FAM171A1: variants seen among roughly 807,000 people sequenced by gnomAD.
FAM171A1 encodes protein FAM171A1.
FAM171A1 carries 23 observed loss-of-function variants against 74.9 expected under a neutral mutation model. That is an observed-to-expected ratio of 0.31 (90% CI 0.22 to 0.44). FAM171A1 has a LOEUF of 0.44. Among genes scored for constraint, FAM171A1 ranks in the 20% least tolerant of loss-of-function variants. The pLI, the probability that FAM171A1 is intolerant of heterozygous loss-of-function variation, is 1.00. For synonymous variants in FAM171A1, 527 were observed against 505.7 expected, an observed-to-expected ratio of 1.04 and a Z score of -0.57; for missense variants, 1,162 against 1,159.2, an observed-to-expected ratio of 1.00 and a Z score of -0.03.
intron 4 of FAM171A1, among the ~76,000 whole-genome samples, chr10:15,254,498 A>G (rs1404382775): frequency 6.6e-6 from 1 of 152,264 alleles, no homozygotes; most frequent in African/African-American, 2.4e-5. Context: ...AACTGGTAAC[A>G]GAAGAAAAGC....
At chr10:15,327,831 T>C (rs889169052) in intron 1 of FAM171A1, among the ~76,000 whole-genome samples, 5 of 151,756 alleles carry the variant, frequency 3.3e-5, no homozygotes, top group African/African-American at 9.7e-5. Flanking sequence ...CTATGCCTAT[T>C]ACCTGGGTGA....
At chr10:15,299,085 G>A (rs1393120486) in intron 1 of FAM171A1, among the ~76,000 whole-genome samples, 2 of 152,000 alleles carry the variant, frequency 1.3e-5, no homozygotes, top group Non-Finnish European at 2.9e-5. Context: ...CACGCCCGGT[G>A]AATTTTTGTA....
chr10:15,373,575 A>AAT (rs1836173405), upstream of FAM171A1, among the ~76,000 whole-genome samples: 1 of 152,192 alleles, frequency 6.6e-6, no homozygotes, highest in Non-Finnish European at 1.5e-5. Context: ...AAATCTAGTG[A>AAT]ATACTATGGT....
chr10:15,343,402 T>G (rs10906890), intron 1 of FAM171A1, among the ~76,000 whole-genome samples: 1 of 151,986 alleles, frequency 6.6e-6, no homozygotes, highest in Non-Finnish European at 1.5e-5. Flanking sequence ...CACCAGCTAT[T>G]GCAATCCAGG....
intron 3 of FAM171A1, among the ~76,000 whole-genome samples, chr10:15,264,363 C>G (rs1361534554): frequency 6.6e-6 from 1 of 151,846 alleles, no homozygotes; most frequent in African/African-American, 2.4e-5. Flanking sequence ...CAAAACTGGC[C>G]GGGCATAGTG....
intron 3 of FAM171A1, 45 bp downstream of exon 3, chr10:15,275,810 T>C (rs952877595): frequency 8.0e-7 from 1 of 1,242,342 alleles, no homozygotes; most frequent in South Asian, 1.3e-5. Flanking sequence ...CAATAATGTA[T>C]CCATCAAAAA....
intron 2 of FAM171A1, 23 bp from the exon 3 acceptor site, chr10:15,275,970 GA>G: frequency 6.4e-7 from 1 of 1,566,134 alleles, no homozygotes; most frequent in South Asian, 1.2e-5. Flanking sequence ...GAAATGGATA[GA>G]AGGGGATTTT....
chr10:15,248,815 C>T lies in FAM171A1; in HGVS notation c.578G>A (p.Gly193Glu). The T allele has an allele frequency of 6.2e-7, 1 of 1,601,128 alleles. No individual in the cohort carries two copies. The highest frequency in any genetic ancestry group is 2.2e-5 in the East Asian group (1 of 44,474). Residue 193 changes from glycine (G) to glutamate (E), a missense_variant and splice_region_variant, in exon 5 of 8, where the codon GGA (glycine) becomes GAA (glutamate). Physicochemically the swap from Gly to Glu is moderately conservative, Grantham distance 98. Transcript: ENST00000378116. ...GGTCAGGTCATGCCTGGTGCTGTTT[C>T]CTAGAAGGAAGAGGCATTTTCCATC... ...YLRGLDGNGT[G>E]NSTRHDLTPV... is the part of the protein sequence containing the mutation.
chr10:15,345,770 A>G (rs1188554526), intron 1 of FAM171A1, among the ~76,000 whole-genome samples: 1 of 152,150 alleles, frequency 6.6e-6, no homozygotes, highest in East Asian at 1.9e-4. Context: ...CCTGGGCTCT[A>G]GAAAGCTGAG....
At chr10:15,328,624 T>G (rs1835587650) in intron 1 of FAM171A1, among the ~76,000 whole-genome samples, 1 of 152,230 alleles carries the variant, frequency 6.6e-6, no homozygotes, top group Non-Finnish European at 1.5e-5. Flanking sequence ...GCTGCAGTAG[T>G]GCAGGCATCT....
intron 3 of FAM171A1, among the ~76,000 whole-genome samples, chr10:15,255,846 C>T (rs1020302351): frequency 7.2e-5 from 11 of 152,130 alleles, no homozygotes; most frequent in African/African-American, 2.4e-4. Flanking sequence ...CAGGGTTTCA[C>T]CATGTTGGCC....
At chr10:15,340,299 C>T (rs936571671) in intron 1 of FAM171A1, among the ~76,000 whole-genome samples, 13 of 152,080 alleles carry the variant, frequency 8.5e-5, no homozygotes, top group African/African-American at 3.1e-4. Context: ...TGTACATGTG[C>T]GTGGCAGATA....
chr10:15,236,569 G>A (rs1284280809), intron 5 of FAM171A1, among the ~76,000 whole-genome samples: 2 of 151,656 alleles, frequency 1.3e-5, no homozygotes, highest in Non-Finnish European at 2.9e-5. Flanking sequence ...CGGTGGCTGG[G>A]CTGCACACTG....
chr10:15,233,521 GGTGTGTGT>G (rs61637156), intron 5 of FAM171A1, among the ~76,000 whole-genome samples: 24 of 145,370 alleles, frequency 1.7e-4, no homozygotes, highest in South Asian at 8.9e-4. Flanking sequence ...GTGTATTCAG[GGTGTGTGT>G]GTGTGTGTGT....
intron 1 of FAM171A1, among the ~76,000 whole-genome samples, chr10:15,340,672 C>T (rs1835754877): frequency 6.6e-6 from 1 of 152,162 alleles, no homozygotes; most frequent in Non-Finnish European, 1.5e-5. Context: ...GTTGTGCATA[C>T]TTGGACGCAT....
rs144367917 is a variant in FAM171A1, at chr10:15,343,058, T to C, written c.97+27898A>G. Among the ~76,000 whole-genome samples the C allele has an allele frequency of 3.0e-4, 46 of 152,228 alleles. No homozygotes were observed. The East Asian group carries it at 8.5e-3, about 28-fold the overall frequency. On this transcript the variant is annotated intron_variant, in intron 1 of 7. Coordinates refer to ENST00000378116, the MANE Select transcript of FAM171A1 (RefSeq NM_001010924.2). ...TCCCCAGCCTGGCTGAATACTACAA[T>C]CACTGGAAGAGACCTGATATAATTA...
At chr10:15,309,472 T>C (rs1464694337) in intron 1 of FAM171A1, among the ~76,000 whole-genome samples, 1 of 152,286 alleles carries the variant, frequency 6.6e-6, no homozygotes. Context: ...CGTCCCAGTG[T>C]TGGGATTACA....
chr10:15,303,237 A>C, intron 1 of FAM171A1, among the ~76,000 whole-genome samples: 1 of 152,186 alleles, frequency 6.6e-6, no homozygotes, highest in East Asian at 1.9e-4. Flanking sequence ...TTTATGAAAT[A>C]TTTTTATAAT....
At chr10:15,303,437 C>G (rs1372292802) in intron 1 of FAM171A1, among the ~76,000 whole-genome samples, 1 of 152,086 alleles carries the variant, frequency 6.6e-6, no homozygotes, top group Non-Finnish European at 1.5e-5. Context: ...GTTTAAGTTT[C>G]TAGAATGGTT....
Sources: gnomAD v4.1 joint callset for allele counts (sites outside exome capture counted in the v4.1 genomes callset) on GRCh38, gnomAD v4.1.1 for gene constraint, MANE v1.5 for transcripts, NCBI Gene and HGNC (gene_info 2026-07-23, HGNC 2026-07-21) for gene names.